Variants in USP6 observed in about 807,000 individuals in gnomAD.
The protein encoded by USP6 is ubiquitin carboxyl-terminal hydrolase 6.
A neutral mutation model predicts 175.7 loss-of-function variants in USP6; 128 were observed. The ratio of observed to expected loss-of-function variants is 0.73; its 90% CI spans 0.63 to 0.84. The LOEUF is 0.84. USP6 is among the 40% of genes least tolerant of loss of function. The pLI, the probability that USP6 is intolerant of heterozygous loss-of-function variation, is 0.00. For synonymous variants in USP6, 562 were observed against 630.6 expected (o/e 0.89, Z 1.63); for missense variants, 1,498 against 1,760.3 (o/e 0.85, Z 2.67).
At chr17:5,139,093 C>G in intron 21 of USP6, 162 bp from the exon 22 acceptor site, 2 of 1,595,326 alleles carry the variant, frequency 1.3e-6, no homozygotes, top group Admixed American at 3.3e-5. Flanking sequence ...AGCACACACC[C>G]CTCCCTCTGG....
chr17:5,172,218 A>G (rs930269893), intron 37 of USP6, among the ~76,000 whole-genome samples: 2 of 150,638 alleles, frequency 1.3e-5, no homozygotes, highest in Non-Finnish European at 3.0e-5. Flanking sequence ...AAAAGCTCCT[A>G]TCTTCTAGAC....
In USP6 at chr17:5,138,142, G is replaced by C; in HGVS notation, c.947G>C (p.Arg316Thr). 1 of 1,614,098 alleles carries C rather than the reference G, an allele frequency of 6.2e-7. No homozygotes were observed. Among genetic ancestry groups the C allele is most frequent in the Non-Finnish European group, 8.5e-7 (1 of 1,179,984 alleles). Residue 316 changes from arginine to threonine, a missense_variant, in exon 21 of 38, where the codon AGG (arginine) becomes ACG (threonine). Coordinates refer to ENST00000574788, the MANE Select transcript of USP6 (RefSeq NM_001304284.2). ...CTAGAGCGCCTCATGAAGACATCCA[G>C]GTGTGGCCTGTGGGCACGTCTGCGG... The part of the protein sequence containing the change: ...VQQKRLMKTS[R>T]CGLWARLRNQ...
rs757873265 is a variant in USP6, at chr17:5,142,496, G to A, written c.1812G>A (p.Lys604=). The A allele has an allele frequency of 1.3e-5, 21 of 1,612,038 alleles. No homozygotes were observed. The South Asian group carries it at 2.2e-4, about 17-fold the overall frequency. ...CTCAGAAGAGTGTTGCCCCATTAAA[G>A]CTTCGGGTAAGCAGGTTAAAATAAT... is the stretch of plus-strand genomic sequence containing the variant. ...SGTQKSVAPL[K]LRRTIAKYAP... The change falls in exon 25 of 38, where the codon AAG becomes AAA. Residue 604 remains lysine, a synonymous_variant. Coordinates refer to ENST00000574788, the MANE Select transcript of USP6 (RefSeq NM_001304284.2).
At chr17:5,143,974 A>G (rs1428829728) in intron 25 of USP6, among the ~76,000 whole-genome samples, 1 of 152,146 alleles carries the variant, frequency 6.6e-6, no homozygotes, top group Non-Finnish European at 1.5e-5. Flanking sequence ...TAATGAATAT[A>G]AGTTTTATAT....
chr17:5,155,408 G>T lies in USP6; in HGVS notation c.2644-14G>T. On this transcript the variant is annotated splice_polypyrimidine_tract_variant and intron_variant, in intron 30 of 37. Transcript: ENST00000574788. ...CCTGTCTTCTCAACTCTCTATTCTC[G>T]TTTGTACATACAGATGAGGACAGAA... 6.2e-7 allele frequency: 1 copy of T among 1,611,620 alleles called. No homozygotes were observed. The highest frequency in any genetic ancestry group is 8.5e-7 in the Non-Finnish European group (1 of 1,178,734).
chr17:5,163,076 AT>A, intron 33 of USP6, 72 bp downstream of exon 33: 1 of 1,470,264 alleles, frequency 6.8e-7, no homozygotes, highest in South Asian at 1.5e-5. Flanking sequence ...CTATTATGCC[AT>A]TTCTGTTTGA....
chr17:5,169,235 T>C (rs1039324031), intron 35 of USP6, among the ~76,000 whole-genome samples, 180 bp downstream of exon 35: 7 of 152,160 alleles, frequency 4.6e-5, no homozygotes, highest in African/African-American at 1.7e-4. Context: ...CTGAATCTAT[T>C]TCCTCATCTG....
chr17:5,122,731 A>G (rs960930466), intron 4 of USP6, among the ~76,000 whole-genome samples: 9 of 152,194 alleles, frequency 5.9e-5, no homozygotes, highest in Admixed American at 1.3e-4. Context: ...AGCCCCGGAA[A>G]TGGGACACCC....
chr17:5,122,611 G>C lies in USP6; in HGVS notation c.-1299+861G>C, dbSNP rs1376826102. On this transcript the variant is annotated intron_variant, in intron 4 of 37. Coordinates refer to ENST00000574788, the MANE Select transcript of USP6 (RefSeq NM_001304284.2). ...CCCAACCCAGCCCCGACCCTCCGCT[G>C]CGGGGCCCTCCCGGAACGGCCGGCT... Among the ~76,000 whole-genome samples, 4 of 152,276 alleles carry C rather than the reference G, an allele frequency of 2.6e-5. 1 individual carries two copies. The East Asian group carries it at 7.7e-4, about 29-fold the overall frequency.
In USP6 at chr17:5,137,256, G is replaced by A. The variant is rs1366654875; in HGVS notation, c.825+70G>A. The A allele has an allele frequency of 2.2e-5, 34 of 1,576,084 alleles. No homozygotes were observed. The South Asian group carries it at 2.2e-4, about 10-fold the overall frequency. ...CTGCAGTGCCGTGCTTCCCCAGCCC[G>A]GGGGTCTGGCTCACTCCCAGCCCAC... On this transcript the variant is annotated intron_variant, in intron 19 of 37. Coordinates refer to ENST00000574788, the MANE Select transcript of USP6 (RefSeq NM_001304284.2).
intron 36 of USP6, among the ~76,000 whole-genome samples, chr17:5,171,299 G>A (rs1165370339): frequency 6.6e-6 from 1 of 152,046 alleles, no homozygotes; most frequent in Non-Finnish European, 1.5e-5. Flanking sequence ...GTGATCACTC[G>A]ACTGCACCCC....
At chr17:5,153,902 C>T (rs2073828047) in intron 30 of USP6, among the ~76,000 whole-genome samples, 2 of 152,326 alleles carry the variant, frequency 1.3e-5, no homozygotes, top group East Asian at 3.9e-4. Context: ...GATCTGCCTG[C>T]CTCGGCCTCC....
rs1294887116 is a variant in USP6 at position 5,138,132 on chromosome 17, A to G, written c.937A>G (p.Lys313Glu). ...CACCCTGTCCCTAGAGCGCCTCATG[A>G]AGACATCCAGGTGTGGCCTGTGGGC... ...ALKVQQKRLM[K>E]TSRCGLWARL... Residue 313 changes from lysine (K) to glutamate (E), a missense_variant, in exon 21 of 38, where the codon AAG becomes GAG. Around this residue, in one of 2 missense-constraint regions of USP6, gnomAD observed 1,217 missense variants for 1,500.8 expected, o/e 0.81. Coordinates refer to ENST00000574788, the MANE Select transcript of USP6 (RefSeq NM_001304284.2). The G allele has an allele frequency of 1.2e-6, 2 of 1,614,048 alleles. No homozygotes were observed. Among genetic ancestry groups the G allele is most frequent in the South Asian group, 2.2e-5 (2 of 91,084 alleles).
chr17:5,153,950 G>A lies in USP6; in HGVS notation c.2644-1472G>A, dbSNP rs377713303. Among the ~76,000 whole-genome samples, 24 of 152,312 alleles carry A rather than the reference G, an allele frequency of 1.6e-4. No homozygotes were observed. The South Asian group carries it at 5.0e-3, about 32-fold the overall frequency. On this transcript the variant is annotated intron_variant, in intron 30 of 37. Coordinates refer to ENST00000574788, the MANE Select transcript of USP6 (RefSeq NM_001304284.2). ...ATTATAGGCATGAGCCACTGCACCT[G>A]GCCCTGGCTTGAAGTTTCTAACCAT... is the stretch of plus-strand genomic sequence containing the variant.
chr17:5,156,717 G>A (rs2073893073), intron 31 of USP6, among the ~76,000 whole-genome samples: 1 of 151,888 alleles, frequency 6.6e-6, no homozygotes, highest in Non-Finnish European at 1.5e-5. Context: ...GATTAGGGTA[G>A]GGCTTAGGAT....
Position 5,139,344 on chromosome 17 carries a change from C to A in USP6, c.1168C>A (p.Pro390Thr). 3 of 1,612,684 alleles carry A rather than the reference C, an allele frequency of 1.9e-6. No individual in the cohort carries two copies. Among genetic ancestry groups the A allele is most frequent in the Non-Finnish European group, 2.5e-6 (3 of 1,179,982 alleles). The change falls in exon 22 of 38, where the codon CCA becomes ACA. Residue 390 changes from proline to threonine, a missense_variant. This residue lies in a region of USP6 where 1,217 missense variants were observed against 1,500.8 expected (regional missense o/e 0.81). Coordinates refer to ENST00000574788, the MANE Select transcript of USP6 (RefSeq NM_001304284.2). ...TLCKGYRQAPPGPPAQFQRPI... is the reference protein window; with the variant it reads ...TLCKGYRQAPTGPPAQFQRPI... The stretch of plus-strand genomic sequence containing the variant: ...CTGCAAGGGGTATAGGCAGGCCCCT[C>A]CAGGCCCACCAGCCCAGTTCCAGCG...
Position 5,116,444 on chromosome 17 carries a change from G to T in USP6, c.-2224G>T, listed in dbSNP as rs1478079936. ...ACACTTCTGGCCCATGTGAGCCGCC[G>T]TCTCGTGTGGTGTCTGAGGGGCGTC... On this transcript the variant is annotated 5_prime_UTR_variant, in exon 1 of 38. Transcript: ENST00000574788. 1 of 152,312 alleles carries T rather than the reference G, an allele frequency of 6.6e-6. No individual in the cohort carries two copies. Among genetic ancestry groups the T allele is most frequent in the South Asian group, 2.1e-4 (1 of 4,830 alleles). 9.4% of individuals were successfully genotyped at this position (152,312 alleles called of 1,614,324 possible).
intron 15 of USP6, 178 bp from the exon 16 acceptor site, chr17:5,135,056 A>G: frequency 2.9e-6 from 2 of 683,222 alleles, no homozygotes; most frequent in Admixed American, 2.2e-5. Context: ...GGCTATTTGC[A>G]TGTCACAGAT....
At chr17:5,131,525 C>A (rs1381455293) in intron 11 of USP6, among the ~76,000 whole-genome samples, 1 of 150,410 alleles carries the variant, frequency 6.6e-6, no homozygotes, top group African/African-American at 2.5e-5. Flanking sequence ...CCACCTACCC[C>A]TGTTCTCCCC....
Sources: gnomAD v4.1 joint callset for allele counts (sites outside exome capture counted in the v4.1 genomes callset) on GRCh38, gnomAD v4.1.1 for gene constraint, gnomAD v4.1.1 regional missense constraint, MANE v1.5 for transcripts, NCBI Gene and HGNC (gene_info 2026-07-23, HGNC 2026-07-21) for gene names.